The following KLF12 variants were observed in gnomAD, a reference collection of about 807,000 sequenced individuals.
KLF12 encodes the protein KLF transcription factor 12.
KLF12 carries 9 observed loss-of-function variants against 37.8 expected under a neutral mutation model. The observed-to-expected ratio is 0.24, with a 90% CI of 0.14 to 0.42. The LOEUF is 0.42. Ranked by LOEUF, KLF12 falls within the 10% of genes least tolerant of loss-of-function variation. KLF12 has a pLI of 1.00. For missense variants in KLF12, 411 were observed against 516.0 expected (o/e 0.80, Z 1.97); for synonymous variants, 208 against 202.1 (o/e 1.03, Z -0.25).
At chr13:74,189,097 C>CA in the KLF12 span, among the ~76,000 whole-genome samples, 4 of 152,136 alleles carry the variant, frequency 2.6e-5, no homozygotes, top group Non-Finnish European at 2.9e-5. Context: ...TGCAAATATG[C>CA]AAAATGACAC....
rs190648910 is a variant in KLF12 at position 73,778,435 on chromosome 13, C to A, written c.807-13435G>T. Among the ~76,000 whole-genome samples the A allele has an allele frequency of 5.9e-5, 9 of 152,298 alleles. No individual in the cohort carries two copies. In the East Asian group the frequency reaches 1.6e-3, roughly 26 times the overall value. On this transcript the variant is annotated intron_variant, in intron 5 of 7. Transcript: ENST00000377669. ...GAGCGCACGTGGTGCAATCACGGCT[C>A]TGCAGCCTTGACCTCTTAGGCTCAA...
At chr13:74,164,646 A>G in the KLF12 span, among the ~76,000 whole-genome samples, 151 of 152,346 alleles carry the variant, frequency 9.9e-4, 1 homozygote, top group East Asian at 0.028. Context: ...TGATTGAAAG[A>G]CTATATGCTT....
At chr13:74,250,143 T>C in the KLF12 span, among the ~76,000 whole-genome samples, 3 of 152,110 alleles carry the variant, frequency 2.0e-5, no homozygotes, top group Non-Finnish European at 4.4e-5. Context: ...AATAAATGGA[T>C]GGATACGTGG....
At chr13:73,885,025 A>G (rs7999234) in intron 3 of KLF12, among the ~76,000 whole-genome samples, 24,508 of 152,130 alleles carry the variant, frequency 0.16, 2,374 homozygotes, top group African/African-American at 0.28. Context: ...AACTCTCAGT[A>G]CTGAGATGCT....
At chr13:74,241,799 C>G in the KLF12 span, among the ~76,000 whole-genome samples, 31 of 152,334 alleles carry the variant, frequency 2.0e-4, no homozygotes, top group African/African-American at 7.0e-4. Context: ...CGCCCTGCTT[C>G]GGCTCGCGCA....
At chr13:74,030,983 A>G (rs1893097832) in intron 1 of KLF12, among the ~76,000 whole-genome samples, 1 of 152,126 alleles carries the variant, frequency 6.6e-6, no homozygotes, top group Non-Finnish European at 1.5e-5. Context: ...CCTACTCTTT[A>G]TAATATCTAC....
chr13:74,013,990 T>C (rs1349331304), intron 1 of KLF12, among the ~76,000 whole-genome samples: 2 of 152,152 alleles, frequency 1.3e-5, no homozygotes, highest in Non-Finnish European at 2.9e-5. Context: ...AACAGCAGGC[T>C]ACTTTCAAAC....
chr13:73,929,027 A>G (rs1481120896), intron 3 of KLF12, among the ~76,000 whole-genome samples: 1 of 152,180 alleles, frequency 6.6e-6, no homozygotes, highest in Non-Finnish European at 1.5e-5. Context: ...ATCCCTCATA[A>G]CTCACACCAT....
chr13:73,728,160 T>G (rs967400091), intron 6 of KLF12, among the ~76,000 whole-genome samples: 1 of 152,260 alleles, frequency 6.6e-6, no homozygotes, highest in Non-Finnish European at 1.5e-5. Flanking sequence ...TTTTCAACGT[T>G]CAAGCCTTAC....
chr13:74,189,905 A>G, the KLF12 span, among the ~76,000 whole-genome samples: 4 of 152,334 alleles, frequency 2.6e-5, no homozygotes, highest in Admixed American at 6.5e-5. Context: ...TAATGTTTCG[A>G]CTAGTCGAAA....
the KLF12 span, among the ~76,000 whole-genome samples, chr13:74,245,298 T>TATCC: frequency 2.0e-5 from 1 of 50,248 alleles, no homozygotes; most frequent in Non-Finnish European, 4.3e-5. Context: ...TAAGTTTATC[T>TATCC]ATCTATCTAT....
chr13:73,999,476 G>A (rs1325829219), intron 1 of KLF12, among the ~76,000 whole-genome samples: 3 of 152,132 alleles, frequency 2.0e-5, no homozygotes, highest in African/African-American at 4.8e-5. Flanking sequence ...GCTCACGCCT[G>A]TAATCCTAGT....
In KLF12 at chr13:73,892,409, G is replaced by A. The variant is rs138028357; in HGVS notation, c.124-46036C>T. ...ACTTTTAGTAAAGATTCTTAAAAAC[G>A]CTAGAATCAAATGTCCACATATATA... On this transcript the variant is annotated intron_variant, in intron 3 of 7. Coordinates refer to ENST00000377669, the MANE Select transcript of KLF12 (RefSeq NM_007249.5). Among the ~76,000 whole-genome samples, 1,472 of 152,160 alleles carry A rather than the reference G, an allele frequency of 9.7e-3. 27 individuals are homozygous for A. Among genetic ancestry groups the A allele is most frequent in the African/African-American group, 0.033 (1,383 of 41,520 alleles).
chr13:73,740,314 T>G (rs750725595), intron 6 of KLF12, among the ~76,000 whole-genome samples: 3 of 152,130 alleles, frequency 2.0e-5, no homozygotes, highest in Non-Finnish European at 4.4e-5. Flanking sequence ...TACCAGACAC[T>G]GAATCTTTAG....
At chr13:73,708,197 G>A (rs1290681332) in intron 7 of KLF12, among the ~76,000 whole-genome samples, 2 of 152,058 alleles carry the variant, frequency 1.3e-5, no homozygotes, top group African/African-American at 4.8e-5. Flanking sequence ...TAATTCCTAA[G>A]AAATGTGACT....
intron 4 of KLF12, among the ~76,000 whole-genome samples, chr13:73,820,960 T>G (rs540175086): frequency 1.3e-5 from 2 of 152,220 alleles, no homozygotes; most frequent in Non-Finnish European, 1.5e-5. Flanking sequence ...GTAATTAAAG[T>G]TTTATTCAGC....
the KLF12 span, among the ~76,000 whole-genome samples, chr13:74,284,735 G>A: frequency 1.3e-5 from 2 of 152,210 alleles, no homozygotes; most frequent in East Asian, 1.9e-4. Flanking sequence ...CAATGGGAAT[G>A]TCAGTGAAGG....
chr13:73,885,992 A>T (rs1457432171), intron 3 of KLF12, among the ~76,000 whole-genome samples: 1 of 152,192 alleles, frequency 6.6e-6, no homozygotes, highest in East Asian at 1.9e-4. Context: ...GGTGTTACTT[A>T]TTGAGTTATT....
intron 1 of KLF12, among the ~76,000 whole-genome samples, chr13:74,100,749 T>C (rs550907826): frequency 2.2e-4 from 34 of 152,268 alleles, no homozygotes; most frequent in African/African-American, 4.6e-4. Context: ...GTACATGCCA[T>C]TGAATCATTA....
Sources: gnomAD v4.1 joint callset for allele counts (sites outside exome capture counted in the v4.1 genomes callset) on GRCh38, gnomAD v4.1.1 for gene constraint, MANE v1.5 for transcripts, NCBI Gene and HGNC (gene_info 2026-07-23, HGNC 2026-07-21) for gene names.